Variants in LOC128125817 observed in about 807,000 individuals in gnomAD.
the LOC128125817 span, among the ~76,000 whole-genome samples, chr1:41,610,554 C>G: frequency 6.3e-4 from 96 of 152,266 alleles, no homozygotes; most frequent in African/African-American, 2.3e-3. Context: ...CAGAGAGGGA[C>G]GGTTCCTGCA....
the LOC128125817 span, chr1:41,585,429 T>A: frequency 2.5e-6 from 1 of 398,220 alleles, no homozygotes; most frequent in East Asian, 3.6e-5. Context: ...CACACCTGGC[T>A]GAGACCCCTC....
the LOC128125817 span, among the ~76,000 whole-genome samples, chr1:41,596,005 A>G: frequency 6.6e-6 from 1 of 151,994 alleles, no homozygotes; most frequent in East Asian, 1.9e-4. Flanking sequence ...CCTGACTAAT[A>G]CAAGGTTCAA....
chr1:41,596,330 A>G, the LOC128125817 span, among the ~76,000 whole-genome samples: 1 of 152,164 alleles, frequency 6.6e-6, no homozygotes, highest in Admixed American at 6.5e-5. Flanking sequence ...CCAGCCCCTC[A>G]TACCCTCTGA....
the LOC128125817 span, among the ~76,000 whole-genome samples, chr1:41,625,062 C>T: frequency 7.0e-6 from 1 of 143,818 alleles, no homozygotes; most frequent in Admixed American, 7.4e-5. Context: ...ATTTGGGAGG[C>T]TGAGGCAGGA....
chr1:41,618,409 C>T, the LOC128125817 span, among the ~76,000 whole-genome samples: 5 of 152,226 alleles, frequency 3.3e-5, no homozygotes, highest in South Asian at 2.1e-4. Context: ...TGTGCTCGGG[C>T]CCTGAACCTG....
At chr1:41,605,373 GCGCACACACA>G in the LOC128125817 span, among the ~76,000 whole-genome samples, 1 of 106,758 alleles carries the variant, frequency 9.4e-6, no homozygotes, top group African/African-American at 3.9e-5. Flanking sequence ...ACACGCACAC[GCGCACACACA>G]CACACACACA....
chr1:41,627,111 G>C, the LOC128125817 span, among the ~76,000 whole-genome samples: 1 of 152,344 alleles, frequency 6.6e-6, no homozygotes, highest in South Asian at 2.1e-4. Context: ...GGGGCCAGAG[G>C]GCAGGGCATG....
At chr1:41,605,320 A>G in the LOC128125817 span, among the ~76,000 whole-genome samples, 3 of 151,142 alleles carry the variant, frequency 2.0e-5, no homozygotes, top group Non-Finnish European at 4.4e-5. Flanking sequence ...TGGGTGTACA[A>G]TTGTTCCACA....
At chr1:41,590,829 C>T in the LOC128125817 span, among the ~76,000 whole-genome samples, 1 of 152,140 alleles carries the variant, frequency 6.6e-6, no homozygotes, top group South Asian at 2.1e-4. Context: ...AGCCACTAAA[C>T]CCATGCATGC....
chr1:41,622,401 A>G, the LOC128125817 span, among the ~76,000 whole-genome samples: 327 of 152,236 alleles, frequency 2.1e-3, no homozygotes, highest in African/African-American at 7.5e-3. Flanking sequence ...GTGGGGGAGG[A>G]AGAAGGATGG....
At chr1:41,600,524 A>G in the LOC128125817 span, among the ~76,000 whole-genome samples, 5 of 152,332 alleles carry the variant, frequency 3.3e-5, no homozygotes, top group African/African-American at 1.2e-4. Flanking sequence ...ATAGAGACAG[A>G]AAGTCAACTG....
At chr1:41,592,852 C>T in the LOC128125817 span, among the ~76,000 whole-genome samples, 1 of 152,218 alleles carries the variant, frequency 6.6e-6, no homozygotes, top group Non-Finnish European at 1.5e-5. Context: ...GAGAAAACTA[C>T]CCCTGCCCAG....
chr1:41,615,745 T>G, the LOC128125817 span, among the ~76,000 whole-genome samples: 1 of 146,750 alleles, frequency 6.8e-6, no homozygotes, highest in African/African-American at 2.5e-5. Context: ...TGACGGTCAC[T>G]CCTGGGAGCA....
At chr1:41,603,983 C>T in the LOC128125817 span, among the ~76,000 whole-genome samples, 1 of 152,200 alleles carries the variant, frequency 6.6e-6, no homozygotes, top group Non-Finnish European at 1.5e-5. Flanking sequence ...TTAATTAAAT[C>T]TACAACACAT....
At chr1:41,612,912 C>A in the LOC128125817 span, among the ~76,000 whole-genome samples, 1 of 152,208 alleles carries the variant, frequency 6.6e-6, no homozygotes, top group Non-Finnish European at 1.5e-5. Flanking sequence ...AACCGATAAA[C>A]CATGTTTCTT....
At chr1:41,591,645 T>C in the LOC128125817 span, among the ~76,000 whole-genome samples, 12 of 152,112 alleles carry the variant, frequency 7.9e-5, no homozygotes, top group East Asian at 7.7e-4. Flanking sequence ...CCTACTGAGA[T>C]TGAGACTTTG....
the LOC128125817 span, among the ~76,000 whole-genome samples, chr1:41,597,494 A>C: frequency 6.6e-6 from 1 of 152,108 alleles, no homozygotes; most frequent in Non-Finnish European, 1.5e-5. Context: ...ACGCAAATTC[A>C]CTCATTTATT....
At chr1:41,590,277 C>A in the LOC128125817 span, among the ~76,000 whole-genome samples, 1 of 152,224 alleles carries the variant, frequency 6.6e-6, no homozygotes, top group African/African-American at 2.4e-5. Flanking sequence ...GGGATTGTGG[C>A]AGAGACTGAA....
At chr1:41,587,897 G>A in the LOC128125817 span, among the ~76,000 whole-genome samples, 22 of 152,270 alleles carry the variant, frequency 1.4e-4, no homozygotes, top group South Asian at 4.4e-3. Context: ...TGGAAGCACC[G>A]GCATGGCCCC....
Sources: gnomAD v4.1 joint callset for allele counts (sites outside exome capture counted in the v4.1 genomes callset) on GRCh38, gnomAD v4.1.1 for gene constraint, MANE v1.5 for transcripts.